OSBPL10: variants seen among roughly 807,000 people sequenced by gnomAD.
The protein encoded by OSBPL10 is oxysterol-binding protein-related protein 10.
A neutral mutation model predicts 81.7 loss-of-function variants in OSBPL10; 49 were observed. The ratio of observed to expected loss-of-function variants is 0.60; its 90% CI spans 0.48 to 0.76. OSBPL10 has a LOEUF of 0.76. OSBPL10 is among the 30% of genes least tolerant of loss of function. The pLI, the probability that OSBPL10 is intolerant of heterozygous loss-of-function variation, is 0.00. For missense variants in OSBPL10, 923 were observed against 987.8 expected, an observed-to-expected ratio of 0.93 and a Z score of 0.88; for synonymous variants, 419 against 383.6, an observed-to-expected ratio of 1.09 and a Z score of -1.08.
intron 9 of OSBPL10, 145 bp downstream of exon 9, chr3:31,670,652 A>G (rs923521096): frequency 4.5e-5 from 42 of 923,214 alleles, no homozygotes; most frequent in South Asian, 2.0e-4. Flanking sequence ...AAGGTAGGGA[A>G]AAGGCATCTC....
intron 3 of OSBPL10, among the ~76,000 whole-genome samples, chr3:31,860,862 T>G (rs1307643007): frequency 2.2e-5 from 3 of 134,416 alleles, no homozygotes; most frequent in Non-Finnish European, 4.4e-5. Context: ...TTGGGGTTTT[T>G]TTTTTTGGGT....
intron 4 of OSBPL10, among the ~76,000 whole-genome samples, chr3:31,802,557 A>C (rs1417839267): frequency 6.7e-6 from 1 of 149,582 alleles, no homozygotes; most frequent in Non-Finnish European, 1.5e-5. Context: ...ATCAAAAAAA[A>C]AAAAAAAAAA....
chr3:31,725,856 C>T (rs559883717), intron 6 of OSBPL10, among the ~76,000 whole-genome samples: 45 of 152,338 alleles, frequency 3.0e-4, no homozygotes, highest in Non-Finnish European at 2.6e-4. Context: ...TCATTCATTA[C>T]GTACTTAAGA....
chr3:31,906,934 G>A (rs950316375), intron 1 of OSBPL10: 4 of 152,212 alleles, frequency 2.6e-5, no homozygotes, highest in Non-Finnish European at 5.9e-5. Context: ...AAGGTTTTAT[G>A]TTAAGAGAAC....
intron 4 of OSBPL10, among the ~76,000 whole-genome samples, chr3:31,814,895 T>C (rs1370209272): frequency 6.6e-6 from 1 of 152,214 alleles, no homozygotes; most frequent in Non-Finnish European, 1.5e-5. Context: ...AAGAATTCTT[T>C]GCTCTCTTGC....
chr3:31,812,200 T>G (rs563371812), intron 4 of OSBPL10, among the ~76,000 whole-genome samples: 2 of 152,080 alleles, frequency 1.3e-5, no homozygotes, highest in Non-Finnish European at 2.9e-5. Context: ...CCCAGCTAAT[T>G]TTTGTACTTT....
intron 2 of OSBPL10, among the ~76,000 whole-genome samples, chr3:32,003,777 C>A (rs920069288): frequency 6.6e-6 from 1 of 152,104 alleles, no homozygotes; most frequent in African/African-American, 2.4e-5. Flanking sequence ...ACTGAGGGCA[C>A]CTCTCTCTGA....
intron 1 of OSBPL10, among the ~76,000 whole-genome samples, chr3:31,899,432 A>C (rs1696169156): frequency 6.6e-6 from 1 of 152,262 alleles, no homozygotes; most frequent in Non-Finnish European, 1.5e-5. Context: ...AAAGCTGGAC[A>C]GATAAAAATC....
chr3:31,705,928 A>G (rs1004627069), intron 6 of OSBPL10, among the ~76,000 whole-genome samples: 1 of 152,236 alleles, frequency 6.6e-6, no homozygotes, highest in African/African-American at 2.4e-5. Context: ...AAGAATCTTC[A>G]GATCCCCCAT....
intron 1 of OSBPL10, among the ~76,000 whole-genome samples, chr3:31,932,335 C>T (rs1317365113): frequency 6.6e-6 from 1 of 152,176 alleles, no homozygotes; most frequent in Non-Finnish European, 1.5e-5. Flanking sequence ...ACCTCCAAGA[C>T]AACACTGCCT....
At chr3:31,796,038 GA>G (rs142415277) in intron 4 of OSBPL10, 4,810 of 183,786 alleles carry the variant, frequency 0.026, 275 homozygotes, top group African/African-American at 0.11. Flanking sequence ...CTGAATGTGG[GA>G]AATCCTTTGC....
At chr3:31,887,445 A>C (rs1382403765) in intron 1 of OSBPL10, among the ~76,000 whole-genome samples, 1 of 152,224 alleles carries the variant, frequency 6.6e-6, no homozygotes, top group East Asian at 1.9e-4. Flanking sequence ...GTCAGCAAAA[A>C]GTTTCCTCCT....
At chr3:31,965,047 G>A (rs1435072233) in intron 1 of OSBPL10, among the ~76,000 whole-genome samples, 1 of 151,924 alleles carries the variant, frequency 6.6e-6, no homozygotes, top group Non-Finnish European at 1.5e-5. Context: ...AGTATACATG[G>A]AACAATCATC....
At chr3:31,731,766 C>T (rs1396523781) in intron 6 of OSBPL10, among the ~76,000 whole-genome samples, 1 of 152,182 alleles carries the variant, frequency 6.6e-6, no homozygotes, top group Non-Finnish European at 1.5e-5. Flanking sequence ...GGATTACAGG[C>T]GTGAGCCACT....
At chr3:32,028,116 T>C (rs376440513) in intron 2 of OSBPL10, among the ~76,000 whole-genome samples, 1 of 152,118 alleles carries the variant, frequency 6.6e-6, no homozygotes, top group East Asian at 1.9e-4. Flanking sequence ...TCAACCCCCA[T>C]CTCAGGCCAG....
At chr3:31,767,087 T>TA (rs1175109986) in intron 4 of OSBPL10, among the ~76,000 whole-genome samples, 5 of 152,224 alleles carry the variant, frequency 3.3e-5, no homozygotes, top group African/African-American at 1.2e-4. Flanking sequence ...TACGTTATAC[T>TA]ACTTTTTCAT....
intron 4 of OSBPL10, among the ~76,000 whole-genome samples, chr3:31,756,674 G>A (rs1043550336): frequency 2.6e-5 from 4 of 152,192 alleles, no homozygotes; most frequent in Non-Finnish European, 4.4e-5. Context: ...CCCAATGGGG[G>A]TAAAAGAGCA....
intron 2 of OSBPL10, among the ~76,000 whole-genome samples, chr3:32,040,761 C>T (rs934405758): frequency 5.3e-5 from 8 of 152,072 alleles, no homozygotes; most frequent in Non-Finnish European, 1.2e-4. Flanking sequence ...TGCTTGAGCC[C>T]AGGAGTTCAA....
Position 31,837,561 on chromosome 3 carries a change from C to G in OSBPL10, c.538-7330G>C, listed in dbSNP as rs1700391213. On this transcript the variant is annotated intron_variant, in intron 3 of 11. Coordinates refer to ENST00000396556, the MANE Select transcript of OSBPL10 (RefSeq NM_017784.5). ...GCTTCATTCCTTTTAATATTAGAAA[C>G]AAGAATTCCACTACCACTGTTTCCT... 2.0e-5 allele frequency among the ~76,000 whole-genome samples: 3 copies of G among 149,556 alleles called. No homozygotes were observed. In the South Asian group the frequency reaches 6.4e-4, roughly 32 times the overall value.
Sources: gnomAD v4.1 joint callset for allele counts (sites outside exome capture counted in the v4.1 genomes callset) on GRCh38, gnomAD v4.1.1 for gene constraint, MANE v1.5 for transcripts, NCBI Gene and HGNC (gene_info 2026-07-23, HGNC 2026-07-21) for gene names.